Variants in TMCC1 observed in about 807,000 individuals in gnomAD.
TMCC1 encodes transmembrane and coiled-coil domains protein 1.
A neutral mutation model predicts 52.4 loss-of-function variants in TMCC1; 15 were observed. That is an observed-to-expected ratio of 0.29 (90% CI 0.19 to 0.44). The LOEUF is 0.44. TMCC1 is among the 20% of genes least tolerant of loss of function. The pLI is 1.00. For synonymous variants in TMCC1, 279 were observed against 301.9 expected, an observed-to-expected ratio of 0.92 and a Z score of 0.79; for missense variants, 503 against 806.0, an observed-to-expected ratio of 0.62 and a Z score of 4.55.
At chr3:129,750,060 T>C (rs1490782695) in intron 4 of TMCC1, among the ~76,000 whole-genome samples, 3 of 152,238 alleles carry the variant, frequency 2.0e-5, no homozygotes, top group Non-Finnish European at 4.4e-5. Context: ...ATACACTTTG[T>C]TCCAAATTAT....
intron 3 of TMCC1, among the ~76,000 whole-genome samples, chr3:129,831,842 A>T (rs1290943488): frequency 6.6e-6 from 1 of 152,150 alleles, no homozygotes; most frequent in East Asian, 1.9e-4. Context: ...CTCAGTTTAT[A>T]AAATTCCCCA....
intron 4 of TMCC1, among the ~76,000 whole-genome samples, chr3:129,746,681 T>C (rs1004873139): frequency 2.6e-5 from 4 of 152,148 alleles, no homozygotes; most frequent in African/African-American, 9.7e-5. Flanking sequence ...AAAGAGCAAA[T>C]GGAGCAATAT....
At position 129,716,317 on chromosome 3, in the gene TMCC1, T is replaced by C. The variant is rs2049093312; in HGVS notation, c.577-45053A>G. Among the ~76,000 whole-genome samples, 6 of 146,246 alleles carry C rather than the reference T, an allele frequency of 4.1e-5. No homozygotes were observed. The Admixed American group carries it at 4.3e-4, about 10-fold the overall frequency. ...AGCTGGGATTATAAGCATGAACCAC[T>C]ACACCTGGCAAATTTTTTTTTTTTT... On this transcript the variant is annotated intron_variant, in intron 4 of 6. Transcript: ENST00000393238.
At chr3:129,736,880 A>G (rs965999347) in intron 4 of TMCC1, among the ~76,000 whole-genome samples, 19 of 152,054 alleles carry the variant, frequency 1.2e-4, no homozygotes, top group African/African-American at 4.3e-4. Flanking sequence ...TTTCAAATAT[A>G]CTGGAAAAAA....
intron 4 of TMCC1, among the ~76,000 whole-genome samples, chr3:129,693,761 G>C (rs935771956): frequency 1.3e-5 from 2 of 152,020 alleles, no homozygotes; most frequent in Non-Finnish European, 2.9e-5. Context: ...TCTGTGATCT[G>C]AATAAAACAT....
At chr3:129,679,266 A>G (rs2088752836) in intron 4 of TMCC1, among the ~76,000 whole-genome samples, 2 of 152,240 alleles carry the variant, frequency 1.3e-5, no homozygotes, top group South Asian at 2.1e-4. Context: ...CTTTGCTTCA[A>G]TGTCACCTTA....
At chr3:129,676,887 CTAAT>C (rs1438345075) in intron 4 of TMCC1, among the ~76,000 whole-genome samples, 1 of 152,106 alleles carries the variant, frequency 6.6e-6, no homozygotes, top group African/African-American at 2.4e-5. Context: ...ACATGGTAAA[CTAAT>C]TAGTTACCTT....
intron 4 of TMCC1, 63 bp from the exon 5 acceptor site, chr3:129,671,327 G>A: frequency 2.0e-6 from 3 of 1,474,498 alleles, no homozygotes; most frequent in Non-Finnish European, 2.7e-6. Context: ...AAAATCAATG[G>A]GCCAAAATGT....
At position 129,889,005 on chromosome 3, in the gene TMCC1, C is replaced by T. The variant is rs545800676; in HGVS notation, c.-435+4489G>A. Among the ~76,000 whole-genome samples, 6 of 152,308 alleles carry T rather than the reference C, an allele frequency of 3.9e-5. No individual in the cohort carries two copies. The East Asian group carries it at 1.2e-3, about 29-fold the overall frequency. On this transcript the variant is annotated intron_variant, in intron 1 of 6. Coordinates refer to ENST00000393238, the MANE Select transcript of TMCC1 (RefSeq NM_001017395.5). The stretch of plus-strand genomic sequence containing the variant: ...ACCTGACCACGGCTGGACACAGTGA[C>T]TCACGCCTGTAATCCCAGCACTTTA...
At chr3:129,788,316 T>C (rs1423223246) in intron 4 of TMCC1, among the ~76,000 whole-genome samples, 1 of 152,206 alleles carries the variant, frequency 6.6e-6, no homozygotes, top group African/African-American at 2.4e-5. Flanking sequence ...GGCATCAATA[T>C]CATGAAAGCA....
At chr3:129,723,114 A>T (rs1033655285) in intron 4 of TMCC1, among the ~76,000 whole-genome samples, 5 of 152,166 alleles carry the variant, frequency 3.3e-5, no homozygotes, top group African/African-American at 4.8e-5. Context: ...ACTAAAAAAA[A>T]TGGTAAAATC....
At chr3:129,737,481 GA>G (rs747077023) in intron 4 of TMCC1, among the ~76,000 whole-genome samples, 66 of 136,922 alleles carry the variant, frequency 4.8e-4, no homozygotes, top group Middle Eastern at 3.8e-3. Context: ...CTCCATCTCA[GA>G]AAAAAAAAAA....
At position 129,649,000 on chromosome 3, in the gene TMCC1, TAGAA is replaced by T. The variant is rs2086176243; in HGVS notation, c.*2477_*2480del. On this transcript the variant is annotated 3_prime_UTR_variant, in exon 7 of 7. Transcript: ENST00000393238. The stretch of plus-strand genomic sequence containing the variant: ...CCTAAGACAGTTTGAGAAAGGAAGA[TAGAA>T]AGTCAGCATGGGACTATTTGGCTGG... The T allele has an allele frequency of 6.6e-6, 1 of 152,230 alleles. No homozygotes were observed. The highest frequency in any genetic ancestry group is 2.4e-5 in the African/African-American group (1 of 41,456). The allele number at this position is 152,230 out of a possible 1,614,324, so 9.4% of individuals were successfully genotyped here. A position where few individuals can be genotyped will look rare whatever the true frequency, so the allele number is the denominator to read the frequency against.
chr3:129,825,390 C>G (rs1159281969), intron 4 of TMCC1, among the ~76,000 whole-genome samples: 1 of 152,136 alleles, frequency 6.6e-6, no homozygotes, highest in African/African-American at 2.4e-5. Flanking sequence ...GCCTAATATA[C>G]ACTGCTTTTC....
At chr3:129,744,293 T>A (rs1465155420) in intron 4 of TMCC1, among the ~76,000 whole-genome samples, 1 of 152,142 alleles carries the variant, frequency 6.6e-6, no homozygotes, top group African/African-American at 2.4e-5. Flanking sequence ...CCATTTAACT[T>A]CACCACTTTC....
At position 129,650,398 on chromosome 3, in the gene TMCC1, A is replaced by C. The variant is rs767369980; in HGVS notation, c.*1083T>G. 2 of 152,482 alleles carry C rather than the reference A, an allele frequency of 1.3e-5. No homozygotes were observed. The highest frequency in any genetic ancestry group is 2.9e-5 in the Non-Finnish European group (2 of 68,068). 9.4% of individuals were successfully genotyped at this position (152,482 alleles called of 1,614,324 possible). On this transcript the variant is annotated 3_prime_UTR_variant, in exon 7 of 7. Coordinates refer to ENST00000393238, the MANE Select transcript of TMCC1 (RefSeq NM_001017395.5). ...AAACCCATAAAACGGGGGCGTAGGT[A>C]TGTCGGGACACCAAAAAGCAGCAGC...
intron 4 of TMCC1, among the ~76,000 whole-genome samples, chr3:129,727,883 T>C (rs749190994): frequency 1.3e-5 from 2 of 152,176 alleles, no homozygotes; most frequent in Non-Finnish European, 2.9e-5. Flanking sequence ...TTCTTGCAAA[T>C]TGGGGATTAT....
intron 4 of TMCC1, among the ~76,000 whole-genome samples, chr3:129,789,265 T>C (rs578258761): frequency 1.4e-4 from 21 of 152,256 alleles, no homozygotes; most frequent in African/African-American, 3.4e-4. Context: ...AAATTTACCA[T>C]TTTAGTCATC....
chr3:129,875,334 G>A (rs573013619), intron 2 of TMCC1, among the ~76,000 whole-genome samples: 4 of 151,030 alleles, frequency 2.6e-5, no homozygotes, highest in Non-Finnish European at 4.4e-5. Context: ...CTAAAAATAC[G>A]AAAAAGAATT....
Sources: allele counts gnomAD v4.1 joint callset (sites outside exome capture counted in the v4.1 genomes callset), GRCh38; gene constraint gnomAD v4.1.1; transcripts MANE v1.5; gene names NCBI Gene and HGNC (gene_info 2026-07-23, HGNC 2026-07-21).